The following HIC2 variants were observed in gnomAD, a reference collection of about 807,000 sequenced individuals.
HIC2 encodes the protein HIC ZBTB transcriptional repressor 2, also known as hypermethylated in cancer 2 protein.
A neutral mutation model predicts 39.5 loss-of-function variants in HIC2; 2 were observed. That is an observed-to-expected ratio of 0.05 (90% CI 0.02 to 0.16). The LOEUF is 0.16. Among genes scored for constraint, HIC2 ranks in the 10% least tolerant of loss-of-function variants. The pLI is 1.00. For synonymous variants in HIC2, 399 were observed against 368.8 expected, an observed-to-expected ratio of 1.08 and a Z score of -0.94; for missense variants, 713 against 863.5, an observed-to-expected ratio of 0.83 and a Z score of 2.18.
intron 1 of HIC2, among the ~76,000 whole-genome samples, chr22:21,425,635 G>A (rs1396993995): frequency 7.3e-6 from 1 of 137,246 alleles, no homozygotes; most frequent in East Asian, 2.1e-4. Flanking sequence ...CCGCCTCCTG[G>A]GTTCAAGCGA....
In HIC2 at chr22:21,446,255, T is replaced by C; in HGVS notation, c.1360T>C (p.Ser454Pro). 1 of 1,613,216 alleles carries C rather than the reference T, an allele frequency of 6.2e-7. No individual in the cohort carries two copies. The highest frequency in any genetic ancestry group is 1.6e-4 in the Middle Eastern group (1 of 6,062). ...CIPCAKGFPS[S>P]EQLNAHVETH... The stretch of plus-strand genomic sequence containing the variant: ...TCCCTGCGCCAAGGGCTTCCCCAGC[T>C]CTGAGCAGCTCAATGCGCACGTGGA... Residue 454 changes from serine (S) to proline (P), a missense_variant, in exon 3 of 3, where the codon TCT becomes CCT. Physicochemically the swap from Ser to Pro is moderately conservative, Grantham distance 74 (BLOSUM62 -1). Around this residue, in one of 5 missense-constraint regions of HIC2, gnomAD observed 11 missense variants for 28.3 expected, o/e 0.39. Transcript: ENST00000407464.
rs540994686 is a variant in HIC2 at position 21,446,951 on chromosome 22, C to T, written c.*208C>T. On this transcript the variant is annotated 3_prime_UTR_variant, in exon 3 of 3. Transcript: ENST00000407464. ...AGGAGGGAAGCCAGGGGTCCCAGCC[C>T]GTCTACCTCCCCATCCCACCCAGGC... 3.3e-5 allele frequency: 23 copies of T among 703,728 alleles called. No individual in the cohort carries two copies. Among genetic ancestry groups the T allele is most frequent in the African/African-American group, 9.0e-5 (5 of 55,698 alleles). 43.6% of individuals were successfully genotyped at this position (703,728 alleles called of 1,614,324 possible).
chr22:21,446,214 A>G lies in HIC2; in HGVS notation c.1319A>G (p.Asn440Ser). 1.2e-6 allele frequency: 2 copies of G among 1,612,400 alleles called. No individual in the cohort carries two copies. The highest frequency in any genetic ancestry group is 1.7e-6 in the Non-Finnish European group (2 of 1,180,010). The change falls in exon 3 of 3, where the codon AAC (asparagine) becomes AGC (serine). Residue 440 changes from asparagine to serine, a missense_variant. Coordinates refer to ENST00000407464, the MANE Select transcript of HIC2 (RefSeq NM_015094.3). ...EGYETVSYGD[N>S]LYVCIPCAKG... ...TACGAGACGGTGTCCTACGGGGACA[A>G]CTTGTATGTGTGCATTCCCTGCGCC...
Position 21,445,747 on chromosome 22 carries a change from C to T in HIC2, c.852C>T (p.Ala284=), listed in dbSNP as rs1313401986. ...SDSQHGSPPA[A]SAPPVANSAS... is the part of the protein sequence containing the mutation. ...GCCAACATGGCTCGCCCCCTGCGGC[C>T]TCTGCTCCTCCCGTTGCCAACAGTG... The change falls in exon 3 of 3, where the codon GCC becomes GCT. Residue 284 remains alanine (A), a synonymous_variant. Coordinates refer to ENST00000407464, the MANE Select transcript of HIC2 (RefSeq NM_015094.3). 1.2e-6 allele frequency: 2 copies of T among 1,611,108 alleles called. No individual in the cohort carries two copies. The highest frequency in any genetic ancestry group is 1.7e-6 in the Non-Finnish European group (2 of 1,179,272).
rs1239686194 is a variant in HIC2 at position 21,447,637 on chromosome 22, G to C, written c.*894G>C. 1 of 150,372 alleles carries C rather than the reference G, an allele frequency of 6.7e-6. No individual in the cohort carries two copies. Among genetic ancestry groups the C allele is most frequent in the Non-Finnish European group, 1.5e-5 (1 of 67,756 alleles). 9.3% of individuals were successfully genotyped at this position (150,372 alleles called of 1,614,324 possible). On this transcript the variant is annotated 3_prime_UTR_variant, in exon 3 of 3. Coordinates refer to ENST00000407464, the MANE Select transcript of HIC2 (RefSeq NM_015094.3). Reference sequence around the variant, plus strand: ...TTCCAAGGAATATTCTTTGTTTAGAGGTACTTGTTTTTTATTAAGAGAAAA... The same window carrying C: ...TTCCAAGGAATATTCTTTGTTTAGACGTACTTGTTTTTTATTAAGAGAAAA...
chr22:21,450,102 A>G lies in HIC2; in HGVS notation c.*3359A>G, dbSNP rs913277244. ...TCTTAACAGTGTTGTTTTTGTATCA[A>G]TATGTTTGTGCAGTGATGAATGTAT... is the stretch of plus-strand genomic sequence containing the variant. On this transcript the variant is annotated 3_prime_UTR_variant, in exon 3 of 3. Coordinates refer to ENST00000407464, the MANE Select transcript of HIC2 (RefSeq NM_015094.3). The G allele has an allele frequency of 5.9e-5, 9 of 152,878 alleles. No homozygotes were observed. Among genetic ancestry groups the G allele is most frequent in the East Asian group, 3.8e-4 (2 of 5,308 alleles). The allele number at this position is 152,878 out of a possible 1,614,324, so 9.5% of individuals were successfully genotyped here.
At chr22:21,432,607 C>G (rs1315917501) in intron 1 of HIC2, among the ~76,000 whole-genome samples, 2 of 100,486 alleles carry the variant, frequency 2.0e-5, no homozygotes. Context: ...ACCCGGGAGG[C>G]GGAGGTTGCG....
In HIC2 at chr22:21,446,876, C is replaced by A; in HGVS notation, c.*133C>A. 8.2e-7 allele frequency: 1 copy of A among 1,212,718 alleles called. No homozygotes were observed. Among genetic ancestry groups the A allele is most frequent in the South Asian group, 1.6e-5 (1 of 63,948 alleles). 75.1% of individuals were successfully genotyped at this position (1,212,718 alleles called of 1,614,324 possible). A position where few individuals can be genotyped will look rare whatever the true frequency, so the allele number is the denominator to read the frequency against. On this transcript the variant is annotated 3_prime_UTR_variant, in exon 3 of 3. Transcript: ENST00000407464. ...CTCCGGGTGGCCCCTCTGGCCCCCA[C>A]TGCCCACACCCAGAGCTTTAATGGA...
At position 21,445,403 on chromosome 22, in the gene HIC2, G is replaced by A. The variant is rs374010009; in HGVS notation, c.508G>A (p.Val170Ile). The A allele has an allele frequency of 4.6e-6, 7 of 1,536,968 alleles. No homozygotes were observed. Among genetic ancestry groups the A allele is most frequent in the Non-Finnish European group, 6.1e-6 (7 of 1,144,564 alleles). The change falls in exon 3 of 3, where the codon GTC becomes ATC. Residue 170 changes from valine (V) to isoleucine (I), a missense_variant. Transcript: ENST00000407464. ...PRSQRLSTAS[V>I]IQARYQGLVD... ...CAGCCAGCGGCTGTCCACGGCCTCT[G>A]TCATCCAAGCTCGGTATCAGGGGCT...
At chr22:21,443,091 C>T (rs1303319048) in intron 2 of HIC2, among the ~76,000 whole-genome samples, 1 of 152,208 alleles carries the variant, frequency 6.6e-6, no homozygotes, top group East Asian at 1.9e-4. Context: ...TTTCTGGGGG[C>T]TAGGTTACTG....
intron 1 of HIC2, among the ~76,000 whole-genome samples, chr22:21,426,357 C>T (rs866481297): frequency 1.5e-3 from 53 of 34,964 alleles, no homozygotes; most frequent in Admixed American, 2.1e-3. Context: ...TTTTTTTTTT[C>T]CAGAGATGGG....
chr22:21,449,060 C>T lies in HIC2; in HGVS notation c.*2317C>T, dbSNP rs1924021249. 6.6e-6 allele frequency: 1 copy of T among 152,662 alleles called. No individual in the cohort carries two copies. Among genetic ancestry groups the T allele is most frequent in the Admixed American group, 6.5e-5 (1 of 15,276 alleles). The allele number at this position is 152,662 out of a possible 1,614,324, so 9.5% of individuals were successfully genotyped here. On this transcript the variant is annotated 3_prime_UTR_variant, in exon 3 of 3. Transcript: ENST00000407464. ...ACTTCAGGGACTGGGAGCAGAGGCCCCTCACTCAACGACGTTTGTGCGACA... is the reference window on the plus strand; with the variant it reads ...ACTTCAGGGACTGGGAGCAGAGGCCTCTCACTCAACGACGTTTGTGCGACA...
Position 21,445,328 on chromosome 22 carries a change from C to A in HIC2, c.433C>A (p.Pro145Thr). The change falls in exon 3 of 3, where the codon CCC becomes ACC. Residue 145 changes from proline to threonine, a missense_variant. This residue lies in a region of HIC2 where 457 missense variants were observed against 420.2 expected (regional missense o/e 1.09). Transcript: ENST00000407464. ...CRRKLKRAGK[P>T]FGSGRAGSTG... ...CCGCAAACTCAAGCGAGCCGGCAAG[C>A]CCTTTGGCTCTGGGAGGGCGGGGTC... 6.3e-7 allele frequency: 1 copy of A among 1,595,284 alleles called. No individual in the cohort carries two copies.
Position 21,445,979 on chromosome 22 carries a change from C to T in HIC2, c.1084C>T (p.Pro362Ser), listed in dbSNP as rs761788998. The change falls in exon 3 of 3, where the codon CCG becomes TCG. Residue 362 changes from proline (P) to serine (S), a missense_variant. Coordinates refer to ENST00000407464, the MANE Select transcript of HIC2 (RefSeq NM_015094.3). ...RREAGPKGPC[P>S]GEEGEGVGDR... is the part of the protein sequence containing the mutation. ...AGAAGCAGGGCCCAAGGGTCCCTGC[C>T]CGGGAGAGGAGGGTGAGGGGGTCGG... 3 of 1,562,398 alleles carry T rather than the reference C, an allele frequency of 1.9e-6. No homozygotes were observed. The highest frequency in any genetic ancestry group is 2.4e-5 in the South Asian group (2 of 84,040).
chr22:21,445,600 C>G lies in HIC2; in HGVS notation c.705C>G (p.Asn235Lys). Reference sequence around the variant, plus strand: ...TGGGGGGCTGCAGCAGCAGCACCAACGGGAGCAGCGGGGGCTGCGAGCAGG... The same window carrying G: ...TGGGGGGCTGCAGCAGCAGCACCAAGGGGAGCAGCGGGGGCTGCGAGCAGG... ...AGLGGCSSSTNGSSGGCEQEL... is the reference protein window; with the variant it reads ...AGLGGCSSSTKGSSGGCEQEL... Residue 235 changes from asparagine to lysine, a missense_variant, in exon 3 of 3, where the codon AAC becomes AAG. Asn to Lys is a moderately conservative substitution (Grantham distance 94). Coordinates refer to ENST00000407464, the MANE Select transcript of HIC2 (RefSeq NM_015094.3). The G allele has an allele frequency of 1.9e-6, 3 of 1,578,250 alleles. No individual in the cohort carries two copies. Among genetic ancestry groups the G allele is most frequent in the Non-Finnish European group, 1.7e-6 (2 of 1,164,472 alleles).
At chr22:21,444,811 T>C (rs1218234914) in intron 2 of HIC2, 111 bp from the exon 3 acceptor site, 1 of 1,215,700 alleles carries the variant, frequency 8.2e-7, no homozygotes. Context: ...GCTCCTGCCC[T>C]ATGTGGGGTC....
In HIC2 at chr22:21,450,028, G is replaced by A. The variant is rs887362303; in HGVS notation, c.*3285G>A. 2.6e-5 allele frequency: 4 copies of A among 152,802 alleles called. No individual in the cohort carries two copies. The highest frequency in any genetic ancestry group is 5.9e-5 in the Non-Finnish European group (4 of 68,078). The allele number at this position is 152,802 out of a possible 1,614,324, so 9.5% of individuals were successfully genotyped here. On this transcript the variant is annotated 3_prime_UTR_variant, in exon 3 of 3. Transcript: ENST00000407464. Reference sequence around the variant, plus strand: ...CCCCCTAACCCCACCCCAGGCAGCGGAAGGGGCTGACTGGGTCTGGTCCTT... The same window carrying A: ...CCCCCTAACCCCACCCCAGGCAGCGAAAGGGGCTGACTGGGTCTGGTCCTT...
Position 21,444,902 on chromosome 22 carries a change from G to A in HIC2, c.27-20G>A, listed in dbSNP as rs558282408. On this transcript the variant is annotated intron_variant, in intron 2 of 2. Coordinates refer to ENST00000407464, the MANE Select transcript of HIC2 (RefSeq NM_015094.3). ...AGTGTGCCAGTCATCTGACGCATGC[G>A]TGCCTGTTCTTGCCCACAGGTGGTG... is the stretch of plus-strand genomic sequence containing the variant. 9 of 1,599,108 alleles carry A rather than the reference G, an allele frequency of 5.6e-6. No homozygotes were observed. The highest frequency in any genetic ancestry group is 1.1e-5 in the South Asian group (1 of 89,558).
chr22:21,450,677 C>T lies in HIC2; in HGVS notation c.*3934C>T, dbSNP rs1601343338. 1 of 152,808 alleles carries T rather than the reference C, an allele frequency of 6.5e-6. No homozygotes were observed. The highest frequency in any genetic ancestry group is 1.9e-4 in the East Asian group (1 of 5,312). The allele number at this position is 152,808 out of a possible 1,614,324, so 9.5% of individuals were successfully genotyped here. The stretch of plus-strand genomic sequence containing the variant: ...GCCCCCTAAAGGGACCAAGGTCCTC[C>T]TATTTCCCAGAACCCCGTTGGGGCA... On this transcript the variant is annotated 3_prime_UTR_variant, in exon 3 of 3. Transcript: ENST00000407464.
Sources: allele counts gnomAD v4.1 joint callset (sites outside exome capture counted in the v4.1 genomes callset), GRCh38; gene constraint gnomAD v4.1.1; regional missense constraint gnomAD v4.1.1; transcripts MANE v1.5; gene names NCBI Gene and HGNC (gene_info 2026-07-23, HGNC 2026-07-21).